Variants in ADAMTSL1 observed in about 807,000 individuals in gnomAD.
ADAMTSL1 encodes ADAMTS-like protein 1.
ADAMTSL1 carries 126 observed loss-of-function variants against 201.8 expected under a neutral mutation model. That is an observed-to-expected ratio of 0.62 (90% CI 0.54 to 0.72). ADAMTSL1 has a LOEUF of 0.72. Ranked by LOEUF, ADAMTSL1 falls within the 30% of genes least tolerant of loss-of-function variation. The pLI, the probability that ADAMTSL1 is intolerant of heterozygous loss-of-function variation, is 0.00. For synonymous variants in ADAMTSL1, 1,121 were observed against 903.4 expected, an observed-to-expected ratio of 1.24 and a Z score of -4.32; for missense variants, 2,679 against 2,277.8, an observed-to-expected ratio of 1.18 and a Z score of -3.59.
intron 2 of ADAMTSL1, among the ~76,000 whole-genome samples, chr9:18,422,433 A>G (rs2133366964): frequency 6.6e-6 from 1 of 152,186 alleles, no homozygotes; most frequent in Admixed American, 6.5e-5. Context: ...GCATTCAGAC[A>G]TCCTCCCTGT....
At chr9:18,174,442 G>A (rs1007329101) in intron 2 of ADAMTSL1, among the ~76,000 whole-genome samples, 1 of 152,162 alleles carries the variant, frequency 6.6e-6, no homozygotes, top group Non-Finnish European at 1.5e-5. Flanking sequence ...TAGAACTGGA[G>A]TGGTCAGACA....
intron 2 of ADAMTSL1, among the ~76,000 whole-genome samples, chr9:18,525,473 G>A (rs1001428026): frequency 1.3e-5 from 2 of 152,008 alleles, no homozygotes; most frequent in Admixed American, 6.6e-5. Flanking sequence ...GTAGTTTCTT[G>A]CCTTCTGCTA....
chr9:18,646,830 G>A (rs1195352199), intron 7 of ADAMTSL1, among the ~76,000 whole-genome samples: 1 of 152,034 alleles, frequency 6.6e-6, no homozygotes, highest in African/African-American at 2.4e-5. Context: ...TGTTCATCAA[G>A]GATATTGGTC....
chr9:18,266,911 G>A (rs903107284), intron 2 of ADAMTSL1, among the ~76,000 whole-genome samples: 3 of 151,982 alleles, frequency 2.0e-5, no homozygotes, highest in Admixed American at 2.0e-4. Context: ...ATAACTTCTC[G>A]AGTCCTTCCT....
chr9:17,971,255 C>G, intron 1 of ADAMTSL1, among the ~76,000 whole-genome samples: 1 of 152,014 alleles, frequency 6.6e-6, no homozygotes, highest in Non-Finnish European at 1.5e-5. Flanking sequence ...TTGAAACCAA[C>G]TTTGGTTTTT....
intron 1 of ADAMTSL1, among the ~76,000 whole-genome samples, chr9:18,101,561 CT>C (rs1824524658): frequency 6.6e-6 from 1 of 151,232 alleles, no homozygotes; most frequent in African/African-American, 2.4e-5. Context: ...AGTTTGAAAA[CT>C]TTTTTCCCCT....
chr9:18,419,547 T>C (rs1230822833), intron 2 of ADAMTSL1, among the ~76,000 whole-genome samples: 1 of 152,072 alleles, frequency 6.6e-6, no homozygotes, highest in East Asian at 1.9e-4. Context: ...TTCACCAAGA[T>C]ACCATTCAAC....
chr9:18,890,432 G>C, intron 25 of ADAMTSL1: 2 of 448,052 alleles, frequency 4.5e-6, no homozygotes, highest in South Asian at 3.2e-5. Flanking sequence ...GATGGGCTTG[G>C]AGTTGGCACT....
chr9:18,528,230 G>A (rs996754325), intron 2 of ADAMTSL1, among the ~76,000 whole-genome samples: 1 of 151,906 alleles, frequency 6.6e-6, no homozygotes, highest in Non-Finnish European at 1.5e-5. Context: ...TCATGTGCAG[G>A]ATATGCAGGT....
chr9:18,767,569 A>T (rs1375243142), intron 16 of ADAMTSL1, among the ~76,000 whole-genome samples: 2 of 152,254 alleles, frequency 1.3e-5, no homozygotes, highest in African/African-American at 4.8e-5. Flanking sequence ...AACCTTAGTT[A>T]TCCATAGCAA....
intron 14 of ADAMTSL1, among the ~76,000 whole-genome samples, chr9:18,711,948 C>T (rs548217419): frequency 1.5e-4 from 22 of 150,012 alleles, no homozygotes; most frequent in Admixed American, 2.7e-4. Flanking sequence ...CCCTGACCCC[C>T]AAGCAGCCTA....
At chr9:18,048,551 A>T (rs1821777527) in intron 1 of ADAMTSL1, among the ~76,000 whole-genome samples, 1 of 152,178 alleles carries the variant, frequency 6.6e-6, no homozygotes, top group Admixed American at 6.5e-5. Context: ...AACATGGGAG[A>T]TGTTACTAAT....
intron 1 of ADAMTSL1, among the ~76,000 whole-genome samples, chr9:17,971,993 T>C (rs2891116): frequency 0.012 from 1,814 of 151,822 alleles, 42 homozygotes; most frequent in African/African-American, 0.041. Flanking sequence ...ATTGACAAAA[T>C]TATATATATT....
chr9:18,342,145 C>G (rs1325135789), intron 2 of ADAMTSL1, among the ~76,000 whole-genome samples: 1 of 152,096 alleles, frequency 6.6e-6, no homozygotes, highest in Non-Finnish European at 1.5e-5. Flanking sequence ...TGAAATTTTT[C>G]TTCTCCCAGT....
chr9:18,506,922 G>T (rs1817698437), intron 2 of ADAMTSL1, among the ~76,000 whole-genome samples: 1 of 152,084 alleles, frequency 6.6e-6, no homozygotes, highest in South Asian at 2.1e-4. Flanking sequence ...AGAAATATTA[G>T]TTTCTTAAAA....
At chr9:17,928,538 T>C (rs772609913) in intron 1 of ADAMTSL1, among the ~76,000 whole-genome samples, 1 of 152,126 alleles carries the variant, frequency 6.6e-6, no homozygotes, top group Non-Finnish European at 1.5e-5. Context: ...CTGCAAATAT[T>C]GACATTTTTC....
chr9:18,312,986 G>C (rs558693941), intron 2 of ADAMTSL1, among the ~76,000 whole-genome samples: 29 of 152,302 alleles, frequency 1.9e-4, no homozygotes, highest in African/African-American at 7.0e-4. Flanking sequence ...AGTATAGTCT[G>C]TGGAGATAAT....
intron 2 of ADAMTSL1, among the ~76,000 whole-genome samples, chr9:18,415,678 A>G (rs896921916): frequency 1.5e-4 from 23 of 152,052 alleles, no homozygotes; most frequent in African/African-American, 5.3e-4. Context: ...AGAAAAAAAA[A>G]ATCTACATAT....
At chr9:18,493,543 A>T (rs565339873) in intron 1 of ADAMTSL1, among the ~76,000 whole-genome samples, 1 of 152,328 alleles carries the variant, frequency 6.6e-6, no homozygotes, top group East Asian at 1.9e-4. Context: ...GCAAACAAGG[A>T]TCTAGGACTT....
Sources: allele counts gnomAD v4.1 joint callset (sites outside exome capture counted in the v4.1 genomes callset), GRCh38; gene constraint gnomAD v4.1.1; transcripts MANE v1.5; gene names NCBI Gene and HGNC (gene_info 2026-07-23, HGNC 2026-07-21).